Variants in TRIM5 observed in about 807,000 individuals in gnomAD.
The protein encoded by TRIM5 is tripartite motif-containing protein 5.
In TRIM5, 31 loss-of-function variants were observed where a neutral mutation model predicts 35.6. The observed-to-expected ratio is 0.87, with a 90% CI of 0.65 to 1.18. The LOEUF is 1.18. Ranked by LOEUF, TRIM5 falls within the 50% of genes most tolerant of loss-of-function variation. The pLI, the probability that TRIM5 is intolerant of heterozygous loss-of-function variation, is 0.00. For missense variants in TRIM5, 609 were observed against 591.6 expected (o/e 1.03, Z -0.31); for synonymous variants, 243 against 215.6 (o/e 1.13, Z -1.11).
At chr11:5,660,911 A>G (rs1428452850), downstream of TRIM5, among the ~76,000 whole-genome samples, 2 of 151,644 alleles carry the variant, frequency 1.3e-5, no homozygotes, top group Non-Finnish European at 1.5e-5. Context: ...GCATGGTGGC[A>G]GGTGCCTGTA....
At position 5,678,424 on chromosome 11, in the gene TRIM5, T is replaced by C. The variant is rs762416939; in HGVS notation, c.524A>G (p.Gln175Arg). The C allele has an allele frequency of 6.5e-7, 1 of 1,548,086 alleles. No homozygotes were observed. Among genetic ancestry groups the C allele is most frequent in the Non-Finnish European group, 8.8e-7 (1 of 1,141,408 alleles). Residue 175 changes from glutamine to arginine, a missense_variant, in exon 4 of 8, where the codon CAG (glutamine) becomes CGG (arginine). Gln to Arg is a conservative substitution (Grantham distance 43). Transcript: ENST00000380034. ...TGCCAAGACGTTGGTTTTGTCATAC[T>C]GTATTTGAGTCTTCAGAGATAAGAG... is the stretch of plus-strand genomic sequence containing the variant. Reference protein sequence around the residue: ...EEKASWKTQIQYDKTNVLADF... With the variant: ...EEKASWKTQIRYDKTNVLADF...
chr11:5,605,255 T>C, the TRIM5 span: 5 of 1,594,892 alleles, frequency 3.1e-6, no homozygotes, highest in East Asian at 2.2e-5. Context: ...AAAGCAGTCC[T>C]GAGCCCAACT....
chr11:5,621,121 C>T, the TRIM5 span, among the ~76,000 whole-genome samples: 3 of 152,198 alleles, frequency 2.0e-5, no homozygotes, highest in Admixed American at 2.0e-4. Flanking sequence ...TCACTTCTAT[C>T]CATTTTCCTT....
chr11:5,607,418 G>A, the TRIM5 span, among the ~76,000 whole-genome samples: 1 of 152,138 alleles, frequency 6.6e-6, no homozygotes, highest in Non-Finnish European at 1.5e-5. Flanking sequence ...AGTTTGAGTT[G>A]TGCCTCTATG....
At position 5,665,175 on chromosome 11, in the gene TRIM5, G is replaced by A; in HGVS notation, c.1116C>T (p.Ile372=). The change falls in exon 8 of 8, where the codon ATC becomes ATT. Residue 372 remains isoleucine (I), a synonymous_variant. Transcript: ENST00000380034. ...GTTGGAAGCCAGCACATACCCCCAG[G>A]ATCCAAGCAGTTTTCTTGGACACGT... is the stretch of plus-strand genomic sequence containing the variant. ...EVDVSKKTAW[I]LGVCAGFQPD... 2 of 1,614,018 alleles carry A rather than the reference G, an allele frequency of 1.2e-6. No individual in the cohort carries two copies. The highest frequency in any genetic ancestry group is 8.5e-7 in the Non-Finnish European group (1 of 1,179,974).
At position 5,667,845 on chromosome 11, in the gene TRIM5, G is replaced by T. The variant is rs1851261971; in HGVS notation, c.745-134C>A. ...ACAGTGTGAAAGACAAAAAAGCAAA[G>T]ATAAGACTCAAGGCAATCATCCCAG... is the stretch of plus-strand genomic sequence containing the variant. On this transcript the variant is annotated intron_variant, in intron 4 of 7. Transcript: ENST00000380034. The T allele has an allele frequency of 3.0e-5, 27 of 904,102 alleles. 1 individual carries two copies. Among genetic ancestry groups the T allele is most frequent in the Non-Finnish European group, 4.3e-5 (26 of 608,436 alleles). 56.0% of individuals were successfully genotyped at this position (904,102 alleles called of 1,614,324 possible).
At chr11:5,669,483 T>C (rs1851411804) in intron 4 of TRIM5, among the ~76,000 whole-genome samples, 1 of 152,250 alleles carries the variant, frequency 6.6e-6, no homozygotes, top group Admixed American at 6.5e-5. Context: ...TGGTCTCCTT[T>C]ATGCCAGACA....
the TRIM5 span, among the ~76,000 whole-genome samples, chr11:5,623,590 C>A: frequency 6.7e-6 from 1 of 148,568 alleles, no homozygotes; most frequent in African/African-American, 2.5e-5. Context: ...CCATGTTAGC[C>A]AGGGTGGTCT....
the TRIM5 span, among the ~76,000 whole-genome samples, chr11:5,613,875 G>A: frequency 1.4e-5 from 2 of 144,862 alleles, no homozygotes; most frequent in African/African-American, 5.2e-5. Context: ...AAGGGAGAGG[G>A]ACTTTCTTAA....
intron 4 of TRIM5, among the ~76,000 whole-genome samples, chr11:5,674,494 G>C (rs1851793040): frequency 6.6e-6 from 1 of 152,198 alleles, no homozygotes; most frequent in Non-Finnish European, 1.5e-5. Flanking sequence ...AGGAGAAAGA[G>C]GGGAAAATGA....
the TRIM5 span, chr11:5,634,530 C>CACACACACATATATATATATATATAT: frequency 4.9e-6 from 1 of 203,884 alleles, no homozygotes; most frequent in African/African-American, 3.4e-5. Context: ...CACACACACA[C>CACACACACATATATATATATATATAT]ATATATATAT....
the TRIM5 span, chr11:5,645,907 A>C: frequency 0.016 from 2,268 of 141,866 alleles, 55 homozygotes; most frequent in East Asian, 0.089. Context: ...CTATATATAG[A>C]TATATATAGA....
chr11:5,596,536 T>TCCCCCTC, the TRIM5 span: 1 of 5,378 alleles, frequency 1.9e-4, no homozygotes, highest in Non-Finnish European at 4.3e-4. Flanking sequence ...CCTTCCCCCT[T>TCCCCCTC]CCCCCTTCCC....
chr11:5,655,769 G>T, the TRIM5 span: 1 of 814,584 alleles, frequency 1.2e-6, no homozygotes, highest in Non-Finnish European at 1.5e-6. Context: ...ATCATTCAGT[G>T]CTACATTTTA....
At position 5,667,683 on chromosome 11, in the gene TRIM5, ACATACCTTTTTATGACGC is replaced by A; in HGVS notation, c.755_767+5del. The A allele has an allele frequency of 6.2e-7, 1 of 1,613,720 alleles. No individual in the cohort carries two copies. The highest frequency in any genetic ancestry group is 8.5e-7 in the Non-Finnish European group (1 of 1,179,866). ...AAAAGGACCATCTCTGTCCTCCCAC[ACATACCTTTTTATGACGC>A]CATCCACACCCTAGGAAGAAGAGAG... On this transcript the variant is annotated splice_donor_variant and splice_donor_5th_base_variant and coding_sequence_variant and intron_variant, in exon 5 of 8. Transcript: ENST00000380034. LOFTEE classifies it high-confidence loss of function.
Position 5,667,718 on chromosome 11 carries a change from AG to A in TRIM5, c.745-8del. On this transcript the variant is annotated splice_polypyrimidine_tract_variant and splice_region_variant and intron_variant, in intron 4 of 7. Coordinates refer to ENST00000380034, the MANE Select transcript of TRIM5 (RefSeq NM_033034.3). The stretch of plus-strand genomic sequence containing the variant: ...TTATGACGCCATCCACACCCTAGGA[AG>A]AAGAGAGAAAACATCAATTAAGAAA... 6.2e-7 allele frequency: 1 copy of A among 1,613,298 alleles called. No homozygotes were observed. Among genetic ancestry groups the A allele is most frequent in the East Asian group, 2.2e-5 (1 of 44,778 alleles).
intron 4 of TRIM5, among the ~76,000 whole-genome samples, chr11:5,671,763 T>C (rs183029648): frequency 2.0e-5 from 3 of 152,254 alleles, no homozygotes; most frequent in Non-Finnish European, 1.5e-5. Flanking sequence ...AAACCTGTTT[T>C]AAGATCTATT....
At chr11:5,659,900 C>A (rs953292624), downstream of TRIM5, among the ~76,000 whole-genome samples, 3 of 152,126 alleles carry the variant, frequency 2.0e-5, no homozygotes, top group Admixed American at 2.0e-4. Flanking sequence ...AGAGTTTATA[C>A]AATTTGGTAT....
intron 1 of TRIM5, among the ~76,000 whole-genome samples, chr11:5,683,643 A>AC (rs1852739966): frequency 6.6e-6 from 1 of 152,154 alleles, no homozygotes; most frequent in Non-Finnish European, 1.5e-5. Flanking sequence ...GACACTCTGT[A>AC]TCTAGCTACT....
Sources: allele counts gnomAD v4.1 joint callset (sites outside exome capture counted in the v4.1 genomes callset), GRCh38; gene constraint gnomAD v4.1.1; transcripts MANE v1.5; gene names NCBI Gene and HGNC (gene_info 2026-07-23, HGNC 2026-07-21).